The following TNXB variants were observed in gnomAD, a reference collection of about 807,000 sequenced individuals.
TNXB encodes the protein tenascin XB, also known as tenascin-X.
A neutral mutation model predicts 340.5 loss-of-function variants in TNXB; 183 were observed. The ratio of observed to expected loss-of-function variants is 0.54; its 90% CI spans 0.48 to 0.61. The LOEUF (loss-of-function observed/expected upper bound fraction) is 0.61. TNXB is among the 20% of genes least tolerant of loss of function. The probability of loss-of-function intolerance (pLI) is 0.00; values close to 1 mark genes in which losing one functional copy is unlikely to be tolerated. For synonymous variants in TNXB, 2,121 were observed against 2,314.5 expected, an observed-to-expected ratio of 0.92 and a Z score of 2.40; for missense variants, 4,613 against 5,446.4, an observed-to-expected ratio of 0.85 and a Z score of 4.82.
chr6:32,103,613 A>C (rs2127302363), intron 1 of TNXB, among the ~76,000 whole-genome samples: 1 of 151,708 alleles, frequency 6.6e-6, no homozygotes, highest in Middle Eastern at 3.4e-3. Context: ...CCCACCAAAC[A>C]GCTCCCTCTA....
rs10947230 is a variant in TNXB, at chr6:32,056,618, C to T, written c.8111G>A (p.Arg2704His). Residue 2704 changes from arginine to histidine, a missense_variant, in exon 23 of 44, where the codon CGC (arginine) becomes CAC (histidine). This residue lies in a region of TNXB where 4,327 missense variants were observed against 4,859.4 expected (regional missense o/e 0.89). Coordinates refer to ENST00000644971, the MANE Select transcript of TNXB (RefSeq NM_001365276.2). ...CCCAATGACAGAGATGGGGCCCACG[C>T]GCTGGCCACCGTGGAAGCCGTACAG... is the stretch of plus-strand genomic sequence containing the variant. ...MNLYGFHGGQ[R>H]VGPISVIGVT... 108,695 of 1,612,948 alleles carry T rather than the reference C, an allele frequency of 0.067. 4,613 individuals carry two copies. The highest frequency in any genetic ancestry group is 0.16 in the African/African-American group (12,190 of 75,016).
rs1778021832 is a variant in TNXB, at chr6:32,061,641, C to T, written c.7248G>A (p.Glu2416=). Reference sequence around the variant, plus strand: ...CAGGGGAGGATCCTGTCACTGTTAGCTCCCCCAGGAGCGGCTCCTCAGGGG... The same window carrying T: ...CAGGGGAGGATCCTGTCACTGTTAGTTCCCCCAGGAGCGGCTCCTCAGGGG... ...PEPPEEPLLG[E]LTVTGSSPDS... is the part of the protein sequence containing the mutation. The change falls in exon 21 of 44, where the codon GAG becomes GAA. Residue 2416 remains glutamate, a synonymous_variant. Transcript: ENST00000644971. This position sits in a 1 kb window ranked among gnomAD's most constrained non-coding sequence, Gnocchi z 4.4. 1 of 1,612,736 alleles carries T rather than the reference C, an allele frequency of 6.2e-7. No individual in the cohort carries two copies. The highest frequency in any genetic ancestry group is 1.3e-5 in the African/African-American group (1 of 74,982).
rs1253287809 is a variant in TNXB, at chr6:32,072,603, G to A, written c.4682-305C>T. Among the ~76,000 whole-genome samples, 8 of 152,124 alleles carry A rather than the reference G, an allele frequency of 5.3e-5. No homozygotes were observed. Among genetic ancestry groups the A allele is most frequent in the Admixed American group, 5.2e-4 (8 of 15,278 alleles). ...CTAAATTTTGTAGTTTAGTAAACGCGCCACCAAGTCCTGTTATTTAATGAA... is the reference window on the plus strand; with the variant it reads ...CTAAATTTTGTAGTTTAGTAAACGCACCACCAAGTCCTGTTATTTAATGAA... On this transcript the variant is annotated intron_variant, in intron 12 of 43. Transcript: ENST00000644971. This position sits in a 1 kb window ranked among gnomAD's most constrained non-coding sequence, Gnocchi z 4.4.
rs1562874423 is a variant in TNXB, at chr6:32,096,138, C to T, written c.1715G>A (p.Gly572Glu). The change falls in exon 3 of 44, where the codon GGG (glycine) becomes GAG (glutamate). Residue 572 changes from glycine (G) to glutamate (E), a missense_variant. Physicochemically the swap from Gly to Glu is moderately conservative, Grantham distance 98. Transcript: ENST00000644971. Reference protein sequence around the residue: ...GCRGRGQCLDGRCVCEDGYSG... With the variant: ...GCRGRGQCLDERCVCEDGYSG... ...GTAGCCGTCCTCGCACACACACCGC[C>T]CATCTAGGCACTGGCCGCGGCCTCG... The T allele has an allele frequency of 8.1e-6, 13 of 1,598,534 alleles. No individual in the cohort carries two copies. Among genetic ancestry groups the T allele is most frequent in the Non-Finnish European group, 9.4e-6 (11 of 1,174,204 alleles).
rs760604031 is a variant in TNXB at position 32,050,040 on chromosome 6, C to A, written c.9397G>T (p.Gly3133Cys). 2 of 1,613,688 alleles carry A rather than the reference C, an allele frequency of 1.2e-6. No homozygotes were observed. Among genetic ancestry groups the A allele is most frequent in the Admixed American group, 1.7e-5 (1 of 60,010 alleles). The change falls in exon 27 of 44, where the codon GGT becomes TGT. Residue 3133 changes from glycine to cysteine, a missense_variant. Physicochemically the swap from Gly to Cys is radical, Grantham distance 159. Around this residue, in one of 7 missense-constraint regions of TNXB, gnomAD observed 4,327 missense variants for 4,859.4 expected, o/e 0.89. Coordinates refer to ENST00000644971, the MANE Select transcript of TNXB (RefSeq NM_001365276.2). The part of the protein sequence containing the change: ...KYKMNLYGFH[G>C]GQRVGPVSAI... ...GACACAGGGCCTACGCGCTGGCCAC[C>A]GTGGAAGCCGTACAGGTTCATCTTG...
chr6:32,094,335 C>T (rs1013782188), intron 4 of TNXB, among the ~76,000 whole-genome samples: 1 of 151,484 alleles, frequency 6.6e-6, no homozygotes, highest in African/African-American at 2.4e-5. Flanking sequence ...TGTCTTCTTT[C>T]CTTCCATCTT....
chr6:32,089,175 G>T lies in TNXB; in HGVS notation c.2515+48C>A. 6.4e-7 allele frequency: 1 copy of T among 1,570,116 alleles called. No individual in the cohort carries two copies. Among genetic ancestry groups the T allele is most frequent in the Non-Finnish European group, 8.6e-7 (1 of 1,157,136 alleles). ...TCCCGGAGGGCAGATTCCCTCTCTA[G>T]TCCAGATCTCCACTCAGGACACCCC... is the stretch of plus-strand genomic sequence containing the variant. On this transcript the variant is annotated intron_variant, in intron 5 of 43. Transcript: ENST00000644971. This position sits in a 1 kb window ranked among gnomAD's most constrained non-coding sequence, Gnocchi z 6.2.
At position 32,061,810 on chromosome 6, in the gene TNXB, G is replaced by A; in HGVS notation, c.7169-90C>T. On this transcript the variant is annotated intron_variant, in intron 20 of 43. Coordinates refer to ENST00000644971, the MANE Select transcript of TNXB (RefSeq NM_001365276.2). This position sits in a 1 kb window ranked among gnomAD's most constrained non-coding sequence, Gnocchi z 4.4. ...AAGGAGGGAGAAGGCTATGACTAGG[G>A]GACATATGAAATAGCCAAGGCTATG... is the stretch of plus-strand genomic sequence containing the variant. The A allele has an allele frequency of 1.3e-6, 2 of 1,507,900 alleles. No individual in the cohort carries two copies. The highest frequency in any genetic ancestry group is 1.8e-6 in the Non-Finnish European group (2 of 1,118,424). 93.4% of individuals were successfully genotyped at this position (1,507,900 alleles called of 1,614,324 possible). A position where few individuals can be genotyped will look rare whatever the true frequency, so the allele number is the denominator to read the frequency against.
chr6:32,055,768 C>G (rs931865466), intron 24 of TNXB, 83 bp downstream of exon 24: 2 of 1,533,752 alleles, frequency 1.3e-6, no homozygotes, highest in African/African-American at 2.8e-5. Context: ...AGAAGCCCGG[C>G]TGGTGAGAAT....
Position 32,049,376 on chromosome 6 carries a change from G to T in TNXB, c.9651C>A (p.Ser3217Arg). The T allele has an allele frequency of 1.2e-6, 2 of 1,612,484 alleles. No homozygotes were observed. Among genetic ancestry groups the T allele is most frequent in the Non-Finnish European group, 1.7e-6 (2 of 1,179,864 alleles). Residue 3217 changes from serine to arginine, a missense_variant, in exon 28 of 44, where the codon AGC (serine) becomes AGA (arginine). By Grantham distance (110) the Ser-to-Arg change is moderately radical. Transcript: ENST00000644971. This position sits in a 1 kb window ranked among gnomAD's most constrained non-coding sequence, Gnocchi z 4.5. The part of the protein sequence containing the change: ...PQVVRVRGEE[S>R]EVTVGGLEPG... ...GCTCCAGGCCCCCCACGGTGACCTC[G>T]CTCTCCTCGCCCCTGACACGCACCA...
rs373436925 is a variant in TNXB, at chr6:32,067,757, C to T, written c.6448G>A (p.Val2150Met). ...RVGGEESEVT[V>M]GGLEPGRKYK... The stretch of plus-strand genomic sequence containing the variant: ...TTGCGCCCAGGCTCCAGGCCCCCCA[C>T]GGTGACTTCACTCTCCTCGCCCCCA... Residue 2150 changes from valine to methionine, a missense_variant, in exon 18 of 44, where the codon GTG (valine) becomes ATG (methionine). Coordinates refer to ENST00000644971, the MANE Select transcript of TNXB (RefSeq NM_001365276.2). The surrounding 1 kb of genome is among the most constrained non-coding windows in gnomAD (Gnocchi z 4.2). 13 of 1,613,566 alleles carry T rather than the reference C, an allele frequency of 8.1e-6. No homozygotes were observed. Among genetic ancestry groups the T allele is most frequent in the African/African-American group, 5.3e-5 (4 of 74,898 alleles).
chr6:32,076,462 C>A (rs929803196), intron 11 of TNXB, among the ~76,000 whole-genome samples: 6 of 152,198 alleles, frequency 3.9e-5, no homozygotes, highest in African/African-American at 1.4e-4. Context: ...AGGGCCTCAT[C>A]TATTTTATCC....
chr6:32,063,591 T>C (rs1374454389), intron 19 of TNXB, among the ~76,000 whole-genome samples: 1 of 152,178 alleles, frequency 6.6e-6, no homozygotes, highest in African/African-American at 2.4e-5. Context: ...GAGTTGTCTC[T>C]GGACCTGCAG....
chr6:32,103,175 C>A (rs1780808781), intron 1 of TNXB, among the ~76,000 whole-genome samples: 1 of 152,018 alleles, frequency 6.6e-6, no homozygotes, highest in African/African-American at 2.4e-5. Context: ...AATCTCAGTA[C>A]TTTGGGAGGC....
chr6:32,068,533 C>T lies in TNXB; in HGVS notation c.6077G>A (p.Gly2026Glu). ...HFLVQYRNGDGQPKAVRVPGH... is the reference protein window; with the variant it reads ...HFLVQYRNGDEQPKAVRVPGH... Reference sequence around the variant, plus strand: ...TGGCACCCTCACTGCCTTGGGCTGCCCATCTCCATTCCTGTACTGGACCAG... The same window carrying T: ...TGGCACCCTCACTGCCTTGGGCTGCTCATCTCCATTCCTGTACTGGACCAG... The change falls in exon 17 of 44, where the codon GGG becomes GAG. Residue 2026 changes from glycine (G) to glutamate (E), a missense_variant. Physicochemically the swap from Gly to Glu is moderately conservative, Grantham distance 98. Transcript: ENST00000644971. This position sits in a 1 kb window ranked among gnomAD's most constrained non-coding sequence, Gnocchi z 5.3. 1 of 1,613,990 alleles carries T rather than the reference C, an allele frequency of 6.2e-7. No individual in the cohort carries two copies. The highest frequency in any genetic ancestry group is 1.3e-5 in the African/African-American group (1 of 75,072).
At position 32,046,407 on chromosome 6, in the gene TNXB, A is replaced by G; in HGVS notation, c.10374T>C (p.Ala3458=). ...GGCGCAGAGAGCTGGAGGTCTCCTCAGCCACGGTCAGTTCCCCCAGGTGGG... is the reference window on the plus strand; with the variant it reads ...GGCGCAGAGAGCTGGAGGTCTCCTCGGCCACGGTCAGTTCCCCCAGGTGGG... ...LPPHLGELTV[A]EETSSSLRLS... Residue 3458 remains alanine (A), a synonymous_variant, in exon 31 of 44, where the codon GCT becomes GCC. Coordinates refer to ENST00000644971, the MANE Select transcript of TNXB (RefSeq NM_001365276.2). This position sits in a 1 kb window ranked among gnomAD's most constrained non-coding sequence, Gnocchi z 6.9. 2 of 1,580,838 alleles carry G rather than the reference A, an allele frequency of 1.3e-6. No homozygotes were observed. The highest frequency in any genetic ancestry group is 1.7e-6 in the Non-Finnish European group (2 of 1,157,216).
rs12211410 is a variant in TNXB, at chr6:32,081,646, C to T, written c.3764G>A (p.Arg1255His). ...GAGGGGCTGCTCCAGGAACTCAGGG[C>T]GGGGGGGCTCCTCTTTCCTCTCTGG... ...TAPERKEEPP[R>H]PEFLEQPLLG... Residue 1255 changes from arginine (R) to histidine (H), a missense_variant, in exon 10 of 44, where the codon CGC becomes CAC. Physicochemically the swap from Arg to His is conservative, Grantham distance 29 (BLOSUM62 0). This residue lies in a region of TNXB where 4,327 missense variants were observed against 4,859.4 expected (regional missense o/e 0.89). Transcript: ENST00000644971. This position sits in a 1 kb window ranked among gnomAD's most constrained non-coding sequence, Gnocchi z 5.1. 0.085 allele frequency: 135,399 copies of T among 1,590,232 alleles called. 6,466 individuals carry two copies. Among genetic ancestry groups the T allele is most frequent in the South Asian group, 0.13 (11,264 of 87,082 alleles).
rs976027241 is a variant in TNXB, at chr6:32,085,235, C to A, written c.3148+515G>T. Among the ~76,000 whole-genome samples the A allele has an allele frequency of 2.0e-5, 3 of 152,236 alleles. No homozygotes were observed. The East Asian group carries it at 5.8e-4, about 29-fold the overall frequency. ...GTCTGAAGTCCTGATGGCTGTGGAGCCCCCTGCCCCAAGGAGCCTTCACCC... is the reference window on the plus strand; with the variant it reads ...GTCTGAAGTCCTGATGGCTGTGGAGACCCCTGCCCCAAGGAGCCTTCACCC... On this transcript the variant is annotated intron_variant, in intron 7 of 43. Coordinates refer to ENST00000644971, the MANE Select transcript of TNXB (RefSeq NM_001365276.2). The surrounding 1 kb of genome is among the most constrained non-coding windows in gnomAD (Gnocchi z 6.4).
At position 32,072,392 on chromosome 6, in the gene TNXB, G is replaced by A; in HGVS notation, c.4682-94C>T. The A allele has an allele frequency of 9.4e-7, 1 of 1,060,536 alleles. No individual in the cohort carries two copies. The highest frequency in any genetic ancestry group is 2.9e-5 in the Admixed American group (1 of 34,900). 65.7% of individuals were successfully genotyped at this position (1,060,536 alleles called of 1,614,324 possible). ...TCAGGGGGGCTGTGAACTGAGATGG[G>A]GAATAGTTACACCTTTACTTCCAGA... is the stretch of plus-strand genomic sequence containing the variant. On this transcript the variant is annotated intron_variant, in intron 12 of 43. Transcript: ENST00000644971. This position sits in a 1 kb window ranked among gnomAD's most constrained non-coding sequence, Gnocchi z 4.4.
Sources: allele counts gnomAD v4.1 joint callset (sites outside exome capture counted in the v4.1 genomes callset), GRCh38; gene constraint gnomAD v4.1.1; regional missense constraint gnomAD v4.1.1; non-coding constraint Gnocchi (gnomAD v3.1); transcripts MANE v1.5; gene names NCBI Gene and HGNC (gene_info 2026-07-23, HGNC 2026-07-21).